Variants in ST18 observed in about 807,000 individuals in gnomAD.
The protein encoded by ST18 is suppression of tumorigenicity 18 protein.
A neutral mutation model predicts 110.0 loss-of-function variants in ST18; 50 were observed. The observed-to-expected ratio is 0.45, with a 90% CI of 0.36 to 0.58. The LOEUF is 0.58. Among genes scored for constraint, ST18 ranks in the 20% least tolerant of loss-of-function variants. ST18 has a pLI of 0.00. For missense variants in ST18, 1,306 were observed against 1,280.1 expected, an observed-to-expected ratio of 1.02 and a Z score of -0.31; for synonymous variants, 461 against 452.4, an observed-to-expected ratio of 1.02 and a Z score of -0.24.
At chr8:52,366,049 A>G (rs1405202348) in intron 2 of ST18, among the ~76,000 whole-genome samples, 1 of 152,056 alleles carries the variant, frequency 6.6e-6, no homozygotes, top group African/African-American at 2.4e-5. Flanking sequence ...CATTGCTCCC[A>G]CTTTACAAAT....
At chr8:52,356,515 C>T (rs1822822741) in intron 2 of ST18, among the ~76,000 whole-genome samples, 1 of 152,072 alleles carries the variant, frequency 6.6e-6, no homozygotes, top group African/African-American at 2.4e-5. Flanking sequence ...GTCTGATTTA[C>T]AGAGTTGTCA....
At chr8:52,291,964 G>A (rs182756717) in intron 2 of ST18, among the ~76,000 whole-genome samples, 17 of 152,094 alleles carry the variant, frequency 1.1e-4, no homozygotes, top group East Asian at 7.7e-4. Context: ...TTGTACAGAC[G>A]GGGTTTCACC....
At chr8:52,370,455 G>C (rs1216552783) in intron 2 of ST18, among the ~76,000 whole-genome samples, 1 of 151,716 alleles carries the variant, frequency 6.6e-6, no homozygotes, top group Non-Finnish European at 1.5e-5. Context: ...CAAAGAGCTG[G>C]AACTGCTTAG....
At chr8:52,138,053 T>C (rs1375728455) in intron 17 of ST18, among the ~76,000 whole-genome samples, 5 of 145,682 alleles carry the variant, frequency 3.4e-5, no homozygotes, top group Non-Finnish European at 5.9e-5. Flanking sequence ...TGAGCCGAGA[T>C]TGCACCATTG....
At chr8:52,397,157 T>C (rs891288687) in intron 2 of ST18, among the ~76,000 whole-genome samples, 1 of 152,204 alleles carries the variant, frequency 6.6e-6, no homozygotes, top group African/African-American at 2.4e-5. Context: ...CTCTGTCTTT[T>C]TGATAATAAT....
At chr8:52,263,248 C>A (rs1402182712) in intron 2 of ST18, among the ~76,000 whole-genome samples, 1 of 152,206 alleles carries the variant, frequency 6.6e-6, no homozygotes, top group Non-Finnish European at 1.5e-5. Context: ...GCTCCTCCAT[C>A]TAAACCATCT....
intron 8 of ST18, among the ~76,000 whole-genome samples, chr8:52,211,404 T>TATTATC (rs1393018125): frequency 2.7e-5 from 4 of 147,616 alleles, no homozygotes; most frequent in Non-Finnish European, 6.0e-5. Flanking sequence ...TTATTATTAT[T>TATTATC]ATTATTATTA....
chr8:52,246,659 G>A (rs2093881391), intron 2 of ST18: 1 of 152,086 alleles, frequency 6.6e-6, no homozygotes, highest in African/African-American at 2.4e-5. Flanking sequence ...CACAAAATTG[G>A]GGGCTCTGGA....
intron 2 of ST18, among the ~76,000 whole-genome samples, chr8:52,236,623 A>C (rs1264119901): frequency 2.0e-5 from 3 of 151,936 alleles, no homozygotes; most frequent in Admixed American, 6.6e-5. Flanking sequence ...AAAAAAAAAA[A>C]AAAAAAACTA....
At chr8:52,208,308 C>T (rs1224428882) in intron 8 of ST18, among the ~76,000 whole-genome samples, 2 of 152,166 alleles carry the variant, frequency 1.3e-5, no homozygotes, top group East Asian at 3.9e-4. Context: ...AACTTTTACA[C>T]TGGGGAAAAC....
intron 2 of ST18, among the ~76,000 whole-genome samples, chr8:52,391,889 G>C (rs13253570): frequency 0.02 from 3,105 of 152,324 alleles, 40 homozygotes; most frequent in Non-Finnish European, 0.032. Context: ...GAAGAATTCT[G>C]AATGGCAGGA....
chr8:52,328,313 A>G (rs564274760), intron 2 of ST18, among the ~76,000 whole-genome samples: 1 of 152,330 alleles, frequency 6.6e-6, no homozygotes, highest in South Asian at 2.1e-4. Flanking sequence ...GCTATATGTA[A>G]AATGACATTA....
intron 2 of ST18, among the ~76,000 whole-genome samples, chr8:52,251,567 G>T (rs957513585): frequency 2.0e-5 from 3 of 151,634 alleles, no homozygotes; most frequent in Admixed American, 6.6e-5. Context: ...AATCAACACC[G>T]CATTGACTCA....
chr8:52,372,210 T>C (rs750566915), intron 2 of ST18, among the ~76,000 whole-genome samples: 1 of 152,098 alleles, frequency 6.6e-6, no homozygotes, highest in African/African-American at 2.4e-5. Context: ...AACAAAAAAG[T>C]TTTTAAAATT....
At chr8:52,299,753 C>T (rs898215783) in intron 2 of ST18, among the ~76,000 whole-genome samples, 2 of 152,190 alleles carry the variant, frequency 1.3e-5, no homozygotes, top group Non-Finnish European at 2.9e-5. Context: ...GCTTTTCAAC[C>T]GCATAAGTGG....
intron 2 of ST18, among the ~76,000 whole-genome samples, chr8:52,264,166 A>C (rs568956072): frequency 1.3e-5 from 2 of 152,192 alleles, no homozygotes; most frequent in Non-Finnish European, 2.9e-5. Flanking sequence ...ACTCTTTAAA[A>C]CAGTGATGTT....
At chr8:52,319,129 T>C (rs936825370) in intron 2 of ST18, among the ~76,000 whole-genome samples, 3 of 152,186 alleles carry the variant, frequency 2.0e-5, no homozygotes, top group Non-Finnish European at 4.4e-5. Flanking sequence ...AAGGACACTA[T>C]TCAGAAAACA....
At chr8:52,347,576 TC>T (rs1818343795) in intron 2 of ST18, among the ~76,000 whole-genome samples, 3 of 152,228 alleles carry the variant, frequency 2.0e-5, no homozygotes, top group Admixed American at 2.0e-4. Flanking sequence ...TCCTCATTTT[TC>T]TTGTTGGTGA....
Position 52,362,711 on chromosome 8 carries a change from A to C in ST18, c.-465+46617T>G, listed in dbSNP as rs1192048885. Reference sequence around the variant, plus strand: ...AGGACACAAGCAATCCTTGACCCATAACTATTTAAATTTAGTTATTCAAAC... The same window carrying C: ...AGGACACAAGCAATCCTTGACCCATCACTATTTAAATTTAGTTATTCAAAC... On this transcript the variant is annotated intron_variant, in intron 2 of 25. Transcript: ENST00000689386. 5.9e-5 allele frequency among the ~76,000 whole-genome samples: 9 copies of C among 152,268 alleles called. No individual in the cohort carries two copies. The South Asian group carries it at 1.5e-3, about 25-fold the overall frequency.
Sources: gnomAD v4.1 joint callset for allele counts (sites outside exome capture counted in the v4.1 genomes callset) on GRCh38, gnomAD v4.1.1 for gene constraint, MANE v1.5 for transcripts, NCBI Gene and HGNC (gene_info 2026-07-23, HGNC 2026-07-21) for gene names.